Variants in DLEU7 observed in about 807,000 individuals in gnomAD.
DLEU7 encodes the protein leukemia-associated protein 7.
DLEU7 carries 17 observed loss-of-function variants against 16.0 expected under a neutral mutation model. That is an observed-to-expected ratio of 1.06 (90% CI 0.73 to 1.59). The LOEUF is 1.59. DLEU7 is among the 40% of genes most tolerant of loss of function. The pLI is 0.00. For missense variants in DLEU7, 308 were observed against 314.9 expected (o/e 0.98, Z 0.17); for synonymous variants, 113 against 139.8 (o/e 0.81, Z 1.35).
intron 1 of DLEU7, among the ~76,000 whole-genome samples, chr13:50,727,290 G>A (rs1371577779): frequency 2.7e-5 from 4 of 150,408 alleles, no homozygotes; most frequent in Non-Finnish European, 5.9e-5. Flanking sequence ...TTGAAAAATC[G>A]TCTTGTGCTA....
At position 50,823,031 on chromosome 13, in the gene DLEU7, T is replaced by C. The variant is rs550905473; in HGVS notation, c.*283A>G. On this transcript the variant is annotated 3_prime_UTR_variant, in exon 2 of 2. Transcript: ENST00000504404. The stretch of plus-strand genomic sequence containing the variant: ...CTAATAATATGAATAAATATATACA[T>C]ACATAATCAAATCAGCTTCACAAAG... The C allele has an allele frequency of 6.7e-6, 7 of 1,049,194 alleles. No homozygotes were observed. Among genetic ancestry groups the C allele is most frequent in the Admixed American group, 4.4e-5 (1 of 22,978 alleles). 65.0% of individuals were successfully genotyped at this position (1,049,194 alleles called of 1,614,324 possible). A position where few individuals can be genotyped will look rare whatever the true frequency, so the allele number is the denominator to read the frequency against.
intron 1 of DLEU7, among the ~76,000 whole-genome samples, chr13:50,720,947 T>C (rs1264212723): frequency 6.6e-6 from 1 of 152,212 alleles, no homozygotes. Context: ...GAATGTCAAC[T>C]TGATTGGATT....
intron 1 of DLEU7, among the ~76,000 whole-genome samples, chr13:50,773,095 G>T (rs1276067996): frequency 1.3e-5 from 2 of 152,070 alleles, no homozygotes; most frequent in South Asian, 4.2e-4. Context: ...CGTAGTTCTC[G>T]TGCCGTGGTT....
intron 1 of DLEU7, among the ~76,000 whole-genome samples, chr13:50,741,164 T>C (rs188457617): frequency 2.2e-3 from 336 of 152,314 alleles, no homozygotes; most frequent in Non-Finnish European, 3.7e-3. Flanking sequence ...TTTCTACTTG[T>C]AGAATTATTT....
chr13:50,778,416 C>A (rs1278995832), intron 1 of DLEU7, among the ~76,000 whole-genome samples: 1 of 152,148 alleles, frequency 6.6e-6, no homozygotes, highest in African/African-American at 2.4e-5. Flanking sequence ...GACTCTCAAT[C>A]TCCATCTCTG....
intron 1 of DLEU7, among the ~76,000 whole-genome samples, chr13:50,766,316 C>T (rs1007961132): frequency 6.6e-6 from 1 of 152,222 alleles, no homozygotes; most frequent in African/African-American, 2.4e-5. Flanking sequence ...CACCCGTCTC[C>T]TTGTCTCCTC....
chr13:50,720,683 A>G (rs1008976148), intron 1 of DLEU7, among the ~76,000 whole-genome samples: 3 of 152,202 alleles, frequency 2.0e-5, no homozygotes, highest in Admixed American at 6.5e-5. Flanking sequence ...CTTATTTCTT[A>G]ACAGAGAGGA....
At chr13:50,755,754 A>T (rs922381335) in intron 1 of DLEU7, among the ~76,000 whole-genome samples, 1 of 149,276 alleles carries the variant, frequency 6.7e-6, no homozygotes, top group Admixed American at 6.7e-5. Flanking sequence ...TTTTTTTTTG[A>T]GGGGGGGGGC....
chr13:50,786,316 A>T (rs546752974), intron 1 of DLEU7, among the ~76,000 whole-genome samples: 1 of 152,184 alleles, frequency 6.6e-6, no homozygotes, highest in African/African-American at 2.4e-5. Context: ...ACAGCAAATT[A>T]TGTAATTGCC....
intron 1 of DLEU7, among the ~76,000 whole-genome samples, chr13:50,829,827 T>C (rs1325504637): frequency 1.3e-5 from 2 of 152,184 alleles, no homozygotes; most frequent in Non-Finnish European, 2.9e-5. Context: ...GAAGGCCAAC[T>C]CTGGATCCAA....
chr13:50,805,143 T>C (rs1450648369), intron 1 of DLEU7, among the ~76,000 whole-genome samples: 1 of 152,176 alleles, frequency 6.6e-6, no homozygotes, highest in Non-Finnish European at 1.5e-5. Context: ...TAAATATTTC[T>C]GAGTTTCCTT....
intron 1 of DLEU7, among the ~76,000 whole-genome samples, chr13:50,796,767 C>A (rs183193592): frequency 6.6e-6 from 1 of 151,998 alleles, no homozygotes; most frequent in African/African-American, 2.4e-5. Context: ...CTTCCACCAC[C>A]CTCTGACTGA....
chr13:50,797,804 T>C (rs1876143483), intron 1 of DLEU7, among the ~76,000 whole-genome samples: 1 of 51,052 alleles, frequency 2.0e-5, no homozygotes. Flanking sequence ...GTTCATTCAC[T>C]TAAGTATAGA....
At chr13:50,828,369 C>T (rs995960533) in intron 1 of DLEU7, among the ~76,000 whole-genome samples, 10 of 152,256 alleles carry the variant, frequency 6.6e-5, no homozygotes, top group Non-Finnish European at 1.0e-4. Flanking sequence ...CATAGATACC[C>T]TTCCCAAAAC....
intron 1 of DLEU7, among the ~76,000 whole-genome samples, chr13:50,719,110 A>G (rs1466439501): frequency 8.5e-5 from 13 of 152,326 alleles, no homozygotes; most frequent in Non-Finnish European, 1.6e-4. Context: ...GAATTTGGGA[A>G]TAATAAAATA....
intron 1 of DLEU7, among the ~76,000 whole-genome samples, chr13:50,723,738 G>A (rs1028329375): frequency 4.6e-5 from 7 of 151,876 alleles, no homozygotes; most frequent in Admixed American, 2.0e-4. Context: ...TCTCCCAAAG[G>A]CCCCATCTCC....
At chr13:50,729,659 T>A (rs1873864914) in intron 1 of DLEU7, among the ~76,000 whole-genome samples, 1 of 152,136 alleles carries the variant, frequency 6.6e-6, no homozygotes, top group South Asian at 2.1e-4. Context: ...GTAAGCAGAG[T>A]ATAAGTGTTC....
At chr13:50,788,908 C>G (rs968072829) in intron 1 of DLEU7, among the ~76,000 whole-genome samples, 1 of 152,128 alleles carries the variant, frequency 6.6e-6, no homozygotes, top group Non-Finnish European at 1.5e-5. Context: ...TTATTTTCAG[C>G]TGTAAACCCA....
intron 1 of DLEU7, chr13:50,719,566 C>T (rs973925231): frequency 6.6e-6 from 1 of 152,112 alleles, no homozygotes; most frequent in African/African-American, 2.4e-5. Flanking sequence ...AATGCGGCAG[C>T]TGTTATGTTT....
Sources: gnomAD v4.1 joint callset for allele counts (sites outside exome capture counted in the v4.1 genomes callset) on GRCh38, gnomAD v4.1.1 for gene constraint, MANE v1.5 for transcripts, NCBI Gene and HGNC (gene_info 2026-07-23, HGNC 2026-07-21) for gene names.